TIPRL: variants seen among roughly 807,000 people sequenced by gnomAD.
TIPRL encodes the protein TIP41-like protein.
Under a neutral mutation model 32.3 loss-of-function variants are expected in TIPRL, and 10 were observed. The ratio of observed to expected loss-of-function variants is 0.31; its 90% confidence interval spans 0.19 to 0.52. TIPRL has a LOEUF of 0.52. Ranked by LOEUF, TIPRL falls within the 20% of genes least tolerant of loss-of-function variation. The pLI, the probability that TIPRL is intolerant of heterozygous loss-of-function variation, is 0.96. For synonymous variants in TIPRL, 100 were observed against 114.0 expected (o/e 0.88, Z 0.78); for missense variants, 250 against 328.1 (o/e 0.76, Z 1.84).
chr1:168,179,208 G>T (rs1477722634), intron 1 of TIPRL, 27 bp downstream of exon 1: 5 of 1,608,954 alleles, frequency 3.1e-6, no homozygotes, highest in Non-Finnish European at 4.3e-6. Flanking sequence ...CGGGGTCTGG[G>T]CGCTGGCCGG....
Position 168,200,377 on chromosome 1 carries a change from C to T in TIPRL, c.*331C>T, listed in dbSNP as rs556284148. Reference sequence around the variant, plus strand: ...ATTCATCATGAAACACTATCTTCTACCAGGAGGAGGTTAATGTAAATCACC... The same window carrying T: ...ATTCATCATGAAACACTATCTTCTATCAGGAGGAGGTTAATGTAAATCACC... On this transcript the variant is annotated 3_prime_UTR_variant, in exon 7 of 7. Coordinates refer to ENST00000367833, the MANE Select transcript of TIPRL (RefSeq NM_152902.5). 7.2e-5 allele frequency: 13 copies of T among 180,308 alleles called. No homozygotes were observed. Among genetic ancestry groups the T allele is most frequent in the Middle Eastern group, 4.8e-3 (2 of 420 alleles). 11.2% of individuals were successfully genotyped at this position (180,308 alleles called of 1,614,324 possible).
intron 4 of TIPRL, chr1:168,192,139 T>G (rs1700106688): frequency 2.9e-6 from 4 of 1,368,650 alleles, no homozygotes; most frequent in Non-Finnish European, 3.8e-6. Context: ...GCAAGGTGGA[T>G]GTCATTTTTT....
At chr1:168,191,267 A>G in intron 3 of TIPRL, 102 bp from the exon 4 acceptor site, 1 of 1,106,768 alleles carries the variant, frequency 9.0e-7, no homozygotes, top group Non-Finnish European at 1.3e-6. Flanking sequence ...GGCTATGTAG[A>G]AAAGACTGAT....
chr1:168,182,513 C>G (rs1699980322), intron 1 of TIPRL, among the ~76,000 whole-genome samples: 1 of 152,150 alleles, frequency 6.6e-6, no homozygotes. Context: ...GTAATCCCAG[C>G]TCCTAGGAAG....
intron 4 of TIPRL, among the ~76,000 whole-genome samples, chr1:168,194,991 G>T (rs148617384): frequency 6.6e-6 from 1 of 152,152 alleles, no homozygotes; most frequent in African/African-American, 2.4e-5. Flanking sequence ...GGTAAGAAAG[G>T]CCCCTCTGTG....
In TIPRL at chr1:168,179,004, G is replaced by T. The variant is rs1375318740; in HGVS notation, c.-74G>T. On this transcript the variant is annotated 5_prime_UTR_variant, in exon 1 of 7. Coordinates refer to ENST00000367833, the MANE Select transcript of TIPRL (RefSeq NM_152902.5). The stretch of plus-strand genomic sequence containing the variant: ...GCCTAGGAGGCTGGGCCGGAGGGAG[G>T]CGGAGGAACCGGTGTTCGCCGCCGC... 8 of 1,364,254 alleles carry T rather than the reference G, an allele frequency of 5.9e-6. No homozygotes were observed. The highest frequency in any genetic ancestry group is 1.4e-5 in the African/African-American group (1 of 69,626). 84.5% of individuals were successfully genotyped at this position (1,364,254 alleles called of 1,614,324 possible).
In TIPRL at chr1:168,191,434, T is replaced by A. The variant is rs1166726533; in HGVS notation, c.450T>A (p.Phe150Leu). ...KLKAREQIKF[F>L]EEVLLFEDEL... ...AAGCCAGAGAACAGATTAAGTTTTT[T>A]GAAGAAGTTCTCCTTTTTGAGGATG... The change falls in exon 4 of 7, where the codon TTT (phenylalanine) becomes TTA (leucine). Residue 150 changes from phenylalanine to leucine, a missense_variant. Physicochemically the swap from Phe to Leu is conservative, Grantham distance 22. Transcript: ENST00000367833. 6.5e-7 allele frequency: 1 copy of A among 1,535,726 alleles called. No homozygotes were observed. The highest frequency in any genetic ancestry group is 8.7e-7 in the Non-Finnish European group (1 of 1,151,446).
At chr1:168,189,024 G>A (rs1700062127) in intron 3 of TIPRL, among the ~76,000 whole-genome samples, 1 of 151,716 alleles carries the variant, frequency 6.6e-6, no homozygotes, top group Admixed American at 6.6e-5. Flanking sequence ...AGCTCTTTAG[G>A]GTGTCATCTC....
rs1392844875 is a variant in TIPRL, at chr1:168,183,983, C to G, written c.186C>G (p.Gly62=). The change falls in exon 2 of 7, where the codon GGC becomes GGG. Residue 62 remains glycine, a synonymous_variant. Transcript: ENST00000367833. The part of the protein sequence containing the change: ...DNVLRIQHGS[G]FGIEFNATDA... ...TTTTAAGAATCCAGCATGGGTCTGG[C>G]TTTGGAATTGAGTTCAATGCTACAG... 1.9e-6 allele frequency: 3 copies of G among 1,614,134 alleles called. No homozygotes were observed. Among genetic ancestry groups the G allele is most frequent in the Non-Finnish European group, 2.5e-6 (3 of 1,180,000 alleles).
intron 1 of TIPRL, among the ~76,000 whole-genome samples, chr1:168,179,576 C>A (rs951760040): frequency 5.3e-5 from 8 of 152,136 alleles, no homozygotes; most frequent in African/African-American, 1.4e-4. Flanking sequence ...GTGCCCGGCG[C>A]TTGAGATAGG....
Position 168,184,113 on chromosome 1 carries a change from A to G in TIPRL, c.284+32A>G, listed in dbSNP as rs777744471. The G allele has an allele frequency of 2.5e-6, 4 of 1,580,018 alleles. No homozygotes were observed. In the African/African-American group the frequency reaches 4.1e-5, roughly 16 times the overall value. On this transcript the variant is annotated intron_variant, in intron 2 of 6. Transcript: ENST00000367833. ...ATCCGGTCAATTAGGTTAAACAAAA[A>G]AGGTAATTAGGTTAAACAAAAGAGA...
At chr1:168,198,113 A>T (rs532851508) in intron 5 of TIPRL, among the ~76,000 whole-genome samples, 6 of 152,278 alleles carry the variant, frequency 3.9e-5, no homozygotes, top group African/African-American at 1.2e-4. Context: ...ATTTTGAAAG[A>T]TATTCATTTC....
intron 5 of TIPRL, among the ~76,000 whole-genome samples, chr1:168,197,677 A>G (rs4534356): frequency 0.48 from 71,998 of 151,338 alleles, 20,219 homozygotes; most frequent in African/African-American, 0.78. Flanking sequence ...CCACCACCAC[A>G]CCTGGCAATT....
chr1:168,190,508 C>G (rs1269103743), intron 3 of TIPRL, among the ~76,000 whole-genome samples: 2 of 152,092 alleles, frequency 1.3e-5, no homozygotes, highest in African/African-American at 4.8e-5. Flanking sequence ...TAATTTTGTC[C>G]ATGAGTCAAA....
chr1:168,200,169 G>A lies in TIPRL; in HGVS notation c.*123G>A, dbSNP rs1572438685. On this transcript the variant is annotated 3_prime_UTR_variant, in exon 7 of 7. Transcript: ENST00000367833. ...GTACAGATTTTCTGTAGCCTTAAAGGAAAAAAAAATAAAGATCGTTACAGG... is the reference window on the plus strand; with the variant it reads ...GTACAGATTTTCTGTAGCCTTAAAGAAAAAAAAAATAAAGATCGTTACAGG... 2.0e-5 allele frequency: 21 copies of A among 1,061,596 alleles called. No homozygotes were observed. Among genetic ancestry groups the A allele is most frequent in the African/African-American group, 3.3e-5 (2 of 59,996 alleles). 65.8% of individuals were successfully genotyped at this position (1,061,596 alleles called of 1,614,324 possible). A position where few individuals can be genotyped will look rare whatever the true frequency, so the allele number is the denominator to read the frequency against.
Position 168,200,101 on chromosome 1 carries a change from G to T in TIPRL, c.*55G>T. The T allele has an allele frequency of 6.4e-7, 1 of 1,560,618 alleles. No individual in the cohort carries two copies. The highest frequency in any genetic ancestry group is 1.8e-5 in the Admixed American group (1 of 54,628). On this transcript the variant is annotated 3_prime_UTR_variant, in exon 7 of 7. Coordinates refer to ENST00000367833, the MANE Select transcript of TIPRL (RefSeq NM_152902.5). The stretch of plus-strand genomic sequence containing the variant: ...ATCTGACTGGACACCTTGGCTATTT[G>T]TAAGGGGTTATTTTTATTATGAGAA...
chr1:168,191,530 T>C (rs1700096168), intron 4 of TIPRL, 30 bp downstream of exon 4: 1 of 1,414,462 alleles, frequency 7.1e-7, no homozygotes, highest in African/African-American at 1.5e-5. Context: ...AAAATTAATA[T>C]TTTTCTTGCA....
Position 168,200,911 on chromosome 1 carries a change from A to C in TIPRL, c.*865A>C, listed in dbSNP as rs1291655949. The C allele has an allele frequency of 2.6e-5, 4 of 152,210 alleles. No individual in the cohort carries two copies. Among genetic ancestry groups the C allele is most frequent in the Non-Finnish European group, 5.9e-5 (4 of 68,010 alleles). The allele number at this position is 152,210 out of a possible 1,614,324, so 9.4% of individuals were successfully genotyped here. ...CAAATATTACATCAATCCTTAAAGC[A>C]ACAAGATTAATTTTCTGCTTAAAAT... is the stretch of plus-strand genomic sequence containing the variant. On this transcript the variant is annotated 3_prime_UTR_variant, in exon 7 of 7. Coordinates refer to ENST00000367833, the MANE Select transcript of TIPRL (RefSeq NM_152902.5).
chr1:168,196,323 A>G lies in TIPRL; in HGVS notation c.517-224A>G, dbSNP rs1343160365. 2.6e-5 allele frequency among the ~76,000 whole-genome samples: 4 copies of G among 152,142 alleles called. No individual in the cohort carries two copies. In the South Asian group the frequency reaches 8.3e-4, roughly 31 times the overall value. ...CTCAATATCTCCTCACCTAGAAAAAATATTTTAGGAAACCGAAACTATGAT... is the reference window on the plus strand; with the variant it reads ...CTCAATATCTCCTCACCTAGAAAAAGTATTTTAGGAAACCGAAACTATGAT... On this transcript the variant is annotated intron_variant, in intron 4 of 6. Transcript: ENST00000367833.
Sources: allele counts gnomAD v4.1 joint callset (sites outside exome capture counted in the v4.1 genomes callset), GRCh38; gene constraint gnomAD v4.1.1; transcripts MANE v1.5; gene names NCBI Gene and HGNC (gene_info 2026-07-23, HGNC 2026-07-21).